PCDHGB1: variants seen among roughly 807,000 people sequenced by gnomAD.
PCDHGB1 encodes the protein protocadherin gamma-B1.
PCDHGB1 carries 34 observed loss-of-function variants against 56.6 expected under a neutral mutation model. That is an observed-to-expected ratio of 0.60 (90% CI 0.46 to 0.80). PCDHGB1 has a LOEUF of 0.80. Ranked by LOEUF, PCDHGB1 falls within the 30% of genes least tolerant of loss-of-function variation. The pLI, the probability that PCDHGB1 is intolerant of heterozygous loss-of-function variation, is 0.00. For missense variants in PCDHGB1, 1,278 were observed against 1,204.6 expected, an observed-to-expected ratio of 1.06 and a Z score of -0.90; for synonymous variants, 561 against 505.9, an observed-to-expected ratio of 1.11 and a Z score of -1.46.
At chr5:141,428,600 C>T (rs2097150405) in intron 1 of PCDHGB1, 1 of 223,920 alleles carries the variant, frequency 4.5e-6, no homozygotes, top group African/African-American at 2.3e-5. Flanking sequence ...GCAAGCTTCA[C>T]TGAAGAGAAT....
At chr5:141,390,266 A>C in intron 1 of PCDHGB1, 2 of 1,614,010 alleles carry the variant, frequency 1.2e-6, no homozygotes, top group East Asian at 4.5e-5. Context: ...ATTCCAGTGA[A>C]TTGACTTCCC....
Position 141,400,535 on chromosome 5 carries a change from T to C in PCDHGB1, c.2409+47866T>C, listed in dbSNP as rs753705723. 2.5e-6 allele frequency: 4 copies of C among 1,613,958 alleles called. No individual in the cohort carries two copies. In the South Asian group the frequency reaches 4.4e-5, roughly 18 times the overall value. ...TCCCATCCTGAGTTGGTGAGTTTCATTTATGTCTATTCTTTTTCATTACCC... is the reference window on the plus strand; with the variant it reads ...TCCCATCCTGAGTTGGTGAGTTTCACTTATGTCTATTCTTTTTCATTACCC... On this transcript the variant is annotated intron_variant, in intron 1 of 3. Transcript: ENST00000523390.
At chr5:141,419,917 T>C in intron 1 of PCDHGB1, 1 of 1,612,890 alleles carries the variant, frequency 6.2e-7, no homozygotes, top group Non-Finnish European at 8.5e-7. Context: ...ACTCCCAGGC[T>C]GAGATGCAGT....
intron 1 of PCDHGB1, among the ~76,000 whole-genome samples, chr5:141,488,938 A>T (rs1195859645): frequency 6.6e-6 from 1 of 152,154 alleles, no homozygotes; most frequent in East Asian, 1.9e-4. Context: ...AGGAAACTCC[A>T]TAATTGGTTG....
At position 141,409,239 on chromosome 5, in the gene PCDHGB1, A is replaced by C. The variant is rs1330242516; in HGVS notation, c.2409+56570A>C. The C allele has an allele frequency of 5.0e-6, 8 of 1,613,920 alleles. No individual in the cohort carries two copies. In the Admixed American group the frequency reaches 1.3e-4, roughly 27 times the overall value. On this transcript the variant is annotated intron_variant, in intron 1 of 3. Transcript: ENST00000523390. ...CTTGATGAAAACGACAACAGCCCAG[A>C]AATAATCATCACTTCTCTCTCTGAT... is the stretch of plus-strand genomic sequence containing the variant.
intron 1 of PCDHGB1, chr5:141,372,307 C>A: frequency 6.2e-7 from 1 of 1,613,452 alleles, no homozygotes; most frequent in Non-Finnish European, 8.5e-7. Flanking sequence ...AGGGAGGCCG[C>A]CCGCCAGCGC....
chr5:141,409,486 C>T, intron 1 of PCDHGB1: 1 of 1,613,992 alleles, frequency 6.2e-7, no homozygotes, highest in Non-Finnish European at 8.5e-7. Context: ...CTGACAGGGG[C>T]AAGCCGCCTC....
chr5:141,486,322 A>G lies in PCDHGB1; in HGVS notation c.2410-8485A>G. The G allele has an allele frequency of 1.9e-6, 3 of 1,613,926 alleles. No homozygotes were observed. The highest frequency in any genetic ancestry group is 2.5e-6 in the Non-Finnish European group (3 of 1,179,962). On this transcript the variant is annotated intron_variant, in intron 1 of 3. Coordinates refer to ENST00000523390, the MANE Select transcript of PCDHGB1 (RefSeq NM_018922.3). This position sits in a 1 kb window ranked among gnomAD's most constrained non-coding sequence, Gnocchi z 5.0. ...AGGATCCAGACTCAGGGTCAAACGG[A>G]GATGTGAGCCTCCGCATTCCTGACC...
intron 1 of PCDHGB1, chr5:141,385,035 G>C: frequency 6.2e-7 from 1 of 1,614,164 alleles, no homozygotes; most frequent in East Asian, 2.2e-5. Context: ...TCGTACTGCT[G>C]GCGCTCAGGC....
chr5:141,374,318 C>G (rs773144400), intron 1 of PCDHGB1: 2 of 1,613,996 alleles, frequency 1.2e-6, no homozygotes, highest in South Asian at 2.2e-5. Flanking sequence ...CTCTCTGAAT[C>G]CGCGAAACGG....
chr5:141,478,560 A>G, intron 1 of PCDHGB1: 1 of 1,598,736 alleles, frequency 6.3e-7, no homozygotes, highest in Non-Finnish European at 8.5e-7. Flanking sequence ...AGGTTTAGCA[A>G]GTCATGCTTG....
intron 1 of PCDHGB1, among the ~76,000 whole-genome samples, chr5:141,471,145 G>T (rs569617031): frequency 3.4e-4 from 50 of 148,740 alleles, no homozygotes; most frequent in Non-Finnish European, 5.4e-4. Flanking sequence ...TGCCTCCTGG[G>T]TTCAAGTGAT....
chr5:141,398,107 A>C, intron 1 of PCDHGB1: 1 of 1,595,524 alleles, frequency 6.3e-7, no homozygotes, highest in Non-Finnish European at 8.5e-7. Flanking sequence ...GCTGGTGAGC[A>C]AGCTGAGGAG....
At chr5:141,495,771 C>T (rs941051365) in intron 2 of PCDHGB1, among the ~76,000 whole-genome samples, 1 of 152,110 alleles carries the variant, frequency 6.6e-6, no homozygotes, top group Non-Finnish European at 1.5e-5. Flanking sequence ...TGTCCTTGTC[C>T]TGGACCTCTT....
In PCDHGB1 at chr5:141,431,570, G is replaced by A. The variant is rs754760314; in HGVS notation, c.2410-63237G>A. 7 of 1,614,172 alleles carry A rather than the reference G, an allele frequency of 4.3e-6. No individual in the cohort carries two copies. Among genetic ancestry groups the A allele is most frequent in the Non-Finnish European group, 5.9e-6 (7 of 1,180,024 alleles). ...TGTAGTCAACGCTACCGACCCTGAC[G>A]AAGGAGTCAATGCGGAAGTGAGGTA... On this transcript the variant is annotated intron_variant, in intron 1 of 3. Transcript: ENST00000523390. The surrounding 1 kb of genome is among the most constrained non-coding windows in gnomAD (Gnocchi z 4.8).
chr5:141,353,928 C>G (rs1759418004), intron 1 of PCDHGB1, among the ~76,000 whole-genome samples: 1 of 152,160 alleles, frequency 6.6e-6, no homozygotes, highest in South Asian at 2.1e-4. Flanking sequence ...TGAGTCATTT[C>G]TACTGCTAAT....
intron 1 of PCDHGB1, among the ~76,000 whole-genome samples, chr5:141,469,187 G>T (rs147209381): frequency 5.9e-5 from 9 of 151,588 alleles, no homozygotes; most frequent in African/African-American, 1.9e-4. Context: ...GAGGCAAGAG[G>T]ATTGCTTGAG....
chr5:141,356,044 C>T (rs185441391), intron 1 of PCDHGB1: 3 of 1,613,890 alleles, frequency 1.9e-6, no homozygotes, highest in East Asian at 4.5e-5. Flanking sequence ...GTATTCTTTC[C>T]GGAAAGTAAG....
At chr5:141,480,240 CAAA>C (rs11374694) in intron 1 of PCDHGB1, among the ~76,000 whole-genome samples, 1 of 114,046 alleles carries the variant, frequency 8.8e-6, no homozygotes, top group African/African-American at 3.3e-5. Flanking sequence ...CCTGTCTCTA[CAAA>C]AAAAAAAAAA....
Sources: allele counts gnomAD v4.1 joint callset (sites outside exome capture counted in the v4.1 genomes callset), GRCh38; gene constraint gnomAD v4.1.1; non-coding constraint Gnocchi (gnomAD v3.1); transcripts MANE v1.5; gene names NCBI Gene and HGNC (gene_info 2026-07-23, HGNC 2026-07-21).